HBS1L: variants seen among roughly 807,000 people sequenced by gnomAD.
HBS1L encodes the protein HBS1 like translational GTPase.
HBS1L carries 55 observed loss-of-function variants against 88.9 expected under a neutral mutation model. The ratio of observed to expected loss-of-function variants is 0.62; its 90% CI spans 0.50 to 0.77. The LOEUF (loss-of-function observed/expected upper bound fraction) is 0.77, where lower values mean the gene tolerates loss of function less well. Among genes scored for constraint, HBS1L ranks in the 30% least tolerant of loss-of-function variants. The pLI is 0.00. For missense variants in HBS1L, 741 were observed against 829.3 expected, an observed-to-expected ratio of 0.89 and a Z score of 1.31; for synonymous variants, 267 against 288.5, an observed-to-expected ratio of 0.93 and a Z score of 0.76.
At chr6:135,008,627 A>C (rs1775678240) in intron 4 of HBS1L, among the ~76,000 whole-genome samples, 1 of 152,120 alleles carries the variant, frequency 6.6e-6, no homozygotes, top group Non-Finnish European at 1.5e-5. Context: ...TTGGTCCTGA[A>C]GATTTTTTTT....
At chr6:134,985,770 T>C (rs1184850340) in intron 11 of HBS1L, among the ~76,000 whole-genome samples, 1 of 152,112 alleles carries the variant, frequency 6.6e-6, no homozygotes, top group Non-Finnish European at 1.5e-5. Flanking sequence ...CCCAAGCATT[T>C]CGGATAAGGG....
chr6:135,022,234 A>AT (rs1013000242), intron 4 of HBS1L, among the ~76,000 whole-genome samples: 7 of 152,212 alleles, frequency 4.6e-5, no homozygotes, highest in African/African-American at 1.7e-4. Flanking sequence ...AGTAAAAATA[A>AT]TTTTTTACTA....
chr6:134,992,863 G>A (rs1196241199), intron 8 of HBS1L, among the ~76,000 whole-genome samples: 1 of 152,166 alleles, frequency 6.6e-6, no homozygotes, highest in Admixed American at 6.6e-5. Context: ...ATACAGTCGT[G>A]TCCTAGGCCT....
At chr6:134,977,458 A>C (rs1441694891) in intron 15 of HBS1L, among the ~76,000 whole-genome samples, 2 of 152,054 alleles carry the variant, frequency 1.3e-5, no homozygotes, top group Non-Finnish European at 2.9e-5. Flanking sequence ...TGAATTCTGA[A>C]TATTTAAGTA....
intron 5 of HBS1L, among the ~76,000 whole-genome samples, chr6:135,000,238 G>C (rs139498177): frequency 3.6e-5 from 2 of 54,990 alleles, no homozygotes; most frequent in African/African-American, 3.0e-4. Context: ...TTTTTTTTTT[G>C]GTAGAGATGG....
At chr6:134,994,448 T>G (rs945675285) in intron 7 of HBS1L, among the ~76,000 whole-genome samples, 1 of 152,080 alleles carries the variant, frequency 6.6e-6, no homozygotes, top group Non-Finnish European at 1.5e-5. Flanking sequence ...ACCAACATAG[T>G]GCCTTTTTTC....
At chr6:134,986,568 C>G (rs1023327396) in intron 10 of HBS1L, among the ~76,000 whole-genome samples, 168 bp downstream of exon 10, 5 of 151,944 alleles carry the variant, frequency 3.3e-5, no homozygotes, top group Admixed American at 6.6e-5. Context: ...ATGCAATTTT[C>G]TAAGTTGAAA....
At chr6:135,018,912 G>A (rs1021132516) in intron 4 of HBS1L, among the ~76,000 whole-genome samples, 7 of 151,620 alleles carry the variant, frequency 4.6e-5, no homozygotes, top group South Asian at 2.1e-4. Flanking sequence ...CTACCCTTGC[G>A]TCCCTCCCTA....
At chr6:135,027,719 G>A (rs1407351343) in intron 4 of HBS1L, among the ~76,000 whole-genome samples, 2 of 151,992 alleles carry the variant, frequency 1.3e-5, no homozygotes, top group East Asian at 3.8e-4. Flanking sequence ...AGTTCCATGA[G>A]TGTTTATTAT....
chr6:134,997,855 C>T (rs1775336978), intron 5 of HBS1L, among the ~76,000 whole-genome samples, 199 bp from the exon 6 acceptor site: 1 of 151,908 alleles, frequency 6.6e-6, no homozygotes, highest in Non-Finnish European at 1.5e-5. Context: ...CGTGGAAGAT[C>T]CCATGAGAAA....
intron 4 of HBS1L, among the ~76,000 whole-genome samples, chr6:135,019,148 T>G (rs1438493404): frequency 6.6e-6 from 1 of 151,704 alleles, no homozygotes; most frequent in Admixed American, 6.6e-5. Flanking sequence ...CTTTTGCAAA[T>G]GAGGAAACTG....
chr6:135,026,356 T>C (rs1776226499), intron 4 of HBS1L, among the ~76,000 whole-genome samples: 1 of 152,148 alleles, frequency 6.6e-6, no homozygotes, highest in Admixed American at 6.5e-5. Context: ...TTAAAGTTGG[T>C]GAATTTAAAA....
chr6:135,009,270 AT>A (rs1775700267), intron 4 of HBS1L, among the ~76,000 whole-genome samples: 1 of 152,206 alleles, frequency 6.6e-6, no homozygotes, highest in Non-Finnish European at 1.5e-5. Flanking sequence ...TGGTGCTATT[AT>A]CAAAAAGTGT....
At chr6:135,051,626 CACTT>C (rs1777087294) in intron 1 of HBS1L, among the ~76,000 whole-genome samples, 1 of 152,214 alleles carries the variant, frequency 6.6e-6, no homozygotes, top group African/African-American at 2.4e-5. Flanking sequence ...CCCTCCAGCA[CACTT>C]ACCCAATTTA....
chr6:135,033,593 A>T (rs140599662), intron 4 of HBS1L, among the ~76,000 whole-genome samples: 1 of 152,146 alleles, frequency 6.6e-6, no homozygotes, highest in Admixed American at 6.5e-5. Flanking sequence ...TTACCACCCT[A>T]TAATATCTAA....
At chr6:134,996,622 CAAA>C (rs935613031) in intron 7 of HBS1L, among the ~76,000 whole-genome samples, 152 bp downstream of exon 7, 92 of 152,136 alleles carry the variant, frequency 6.0e-4, no homozygotes, top group Non-Finnish European at 1.2e-3. Context: ...CAGATTACAT[CAAA>C]AAAGTCAAAA....
At chr6:135,015,453 C>G (rs1222174533) in intron 4 of HBS1L, among the ~76,000 whole-genome samples, 1 of 152,172 alleles carries the variant, frequency 6.6e-6, no homozygotes, top group East Asian at 1.9e-4. Context: ...CACTCTCTGT[C>G]CTCTAAATCT....
intron 4 of HBS1L, among the ~76,000 whole-genome samples, chr6:135,009,265 C>T (rs966761568): frequency 2.6e-5 from 4 of 152,004 alleles, no homozygotes; most frequent in Non-Finnish European, 4.4e-5. Flanking sequence ...TTACATGGTG[C>T]TATTATCAAA....
intron 4 of HBS1L, among the ~76,000 whole-genome samples, chr6:135,008,746 T>G (rs1775682406): frequency 6.6e-6 from 1 of 152,016 alleles, no homozygotes; most frequent in East Asian, 1.9e-4. Flanking sequence ...TATCCCCAAT[T>G]TATGCTCTTC....
Sources: gnomAD v4.1 joint callset for allele counts (sites outside exome capture counted in the v4.1 genomes callset) on GRCh38, gnomAD v4.1.1 for gene constraint, MANE v1.5 for transcripts, NCBI Gene and HGNC (gene_info 2026-07-23, HGNC 2026-07-21) for gene names.